Variants in BEND2 observed in about 807,000 individuals in gnomAD.
BEND2 encodes BEN domain containing 2.
BEND2 carries 19 observed loss-of-function variants against 43.8 expected under a neutral mutation model. The ratio of observed to expected loss-of-function variants is 0.43; its 90% CI spans 0.30 to 0.64. The LOEUF (loss-of-function observed/expected upper bound fraction) is 0.64. Among genes scored for constraint, BEND2 ranks in the 30% least tolerant of loss-of-function variants. The pLI is 0.11. For synonymous variants in BEND2, 226 were observed against 210.1 expected (o/e 1.08, Z -0.66); for missense variants, 544 against 574.0 (o/e 0.95, Z 0.53).
At chrX:18,212,980 G>A (rs2147435801) in intron 3 of BEND2, among the ~76,000 whole-genome samples, 1 of 111,644 alleles carries the variant, frequency 9.0e-6, no homozygotes, top group East Asian at 2.8e-4. Context: ...GAACGCAAGG[G>A]CTAACTGCTT....
Position 18,202,320 on chromosome X carries a change from T to C in BEND2, c.908-380A>G, listed in dbSNP as rs957226496. ...ATATGTCCAAACTCATTACATTGGG[T>C]ATAATAAATATGTGCAGTTTTTTAC... On this transcript the variant is annotated intron_variant, in intron 5 of 13. Transcript: ENST00000380033. Among the ~76,000 whole-genome samples the C allele has an allele frequency of 6.2e-5, 7 of 112,313 alleles. No homozygotes were observed. The Admixed American group carries it at 6.6e-4, about 11-fold the overall frequency.
chrX:18,207,575 G>A (rs1300999736), intron 4 of BEND2, among the ~76,000 whole-genome samples: 1 of 111,322 alleles, frequency 9.0e-6, no homozygotes, highest in African/African-American at 3.3e-5. Flanking sequence ...TCAGTTATGG[G>A]CTTTTTTGTG....
chrX:18,216,555 A>T lies in BEND2; in HGVS notation c.204T>A (p.Asn68Lys), dbSNP rs766702650. The stretch of plus-strand genomic sequence containing the variant: ...TTTGGAGTGGACGGTGATGGCCATC[A>T]TTGCCGCCTGGAAAATTTGGTTGTG... ...TATQPNFPGG[N>K]DGHHRPLQMS... The change falls in exon 2 of 14, where the codon AAT becomes AAA. Residue 68 changes from asparagine (N) to lysine (K), a missense_variant. Coordinates refer to ENST00000380033, the MANE Select transcript of BEND2 (RefSeq NM_153346.5). 1 of 1,208,726 alleles carries T rather than the reference A, an allele frequency of 8.3e-7. No individual in the cohort carries two copies. The highest frequency in any genetic ancestry group is 2.2e-5 in the Admixed American group (1 of 45,989).
At chrX:18,177,904 T>C in intron 9 of BEND2, 135 bp from the exon 10 acceptor site, 1 of 611,859 alleles carries the variant, frequency 1.6e-6, no homozygotes, top group Non-Finnish European at 2.5e-6. Context: ...TGATTTCTAA[T>C]TCATGAATTT....
intron 2 of BEND2, among the ~76,000 whole-genome samples, chrX:18,215,578 A>G (rs960211892): frequency 3.6e-5 from 4 of 111,945 alleles, no homozygotes; most frequent in Non-Finnish European, 7.5e-5. Flanking sequence ...AAATGGAAAA[A>G]TTATAGGAAA....
intron 1 of BEND2, among the ~76,000 whole-genome samples, chrX:18,219,097 G>A (rs1322893248): frequency 9.0e-6 from 1 of 111,433 alleles, no homozygotes; most frequent in African/African-American, 3.3e-5. Context: ...ACCTTCCTGC[G>A]GGACTCTCAA....
At chrX:18,186,255 T>C (rs1437000637) in intron 8 of BEND2, among the ~76,000 whole-genome samples, 1 of 110,177 alleles carries the variant, frequency 9.1e-6, no homozygotes. Flanking sequence ...GTCAGGAGTT[T>C]GACACCAGCC....
rs1923780090 is a variant in BEND2 at position 18,164,867 on chromosome X, G to C, written c.*142C>G. ...TGTGATTCTACCTCCTTTATGAGCA[G>C]AAAAAGAGGTTTGGCGATTACTACA... On this transcript the variant is annotated 3_prime_UTR_variant, in exon 14 of 14. Coordinates refer to ENST00000380033, the MANE Select transcript of BEND2 (RefSeq NM_153346.5). 1.8e-6 allele frequency: 1 copy of C among 570,521 alleles called. No homozygotes were observed. Among genetic ancestry groups the C allele is most frequent in the East Asian group, 3.4e-5 (1 of 28,986 alleles). The allele number at this position is 570,521 out of a possible 1,213,427, so 47.0% of individuals were successfully genotyped here.
chrX:18,201,417 A>AC (rs1569124461), intron 6 of BEND2, among the ~76,000 whole-genome samples: 1 of 87,084 alleles, frequency 1.1e-5, no homozygotes, highest in African/African-American at 5.0e-5. Context: ...AAAAAAAAAA[A>AC]CAAAAAAAAA....
chrX:18,191,419 C>T (rs993888347), intron 7 of BEND2, among the ~76,000 whole-genome samples: 2 of 111,370 alleles, frequency 1.8e-5, no homozygotes, highest in Non-Finnish European at 3.8e-5. Flanking sequence ...TGTTGCTGGT[C>T]GGGGTAGAAA....
chrX:18,175,362 G>T (rs1475967206), intron 11 of BEND2, among the ~76,000 whole-genome samples: 1 of 112,045 alleles, frequency 8.9e-6, no homozygotes, highest in East Asian at 2.8e-4. Context: ...TGTTTCATCA[G>T]AAGACAACAG....
chrX:18,196,628 GA>G (rs955688557), intron 6 of BEND2, among the ~76,000 whole-genome samples: 1 of 79,912 alleles, frequency 1.3e-5, no homozygotes, highest in African/African-American at 4.8e-5. Flanking sequence ...AAGATTATCA[GA>G]AAAAAAAGAG....
At chrX:18,213,400 A>G (rs1409694690) in intron 3 of BEND2, among the ~76,000 whole-genome samples, 2 of 111,490 alleles carry the variant, frequency 1.8e-5, no homozygotes, top group Admixed American at 1.9e-4. Context: ...TTAATGAAAG[A>G]GCTACTTCAC....
In BEND2 at chrX:18,177,618, A is replaced by G. The variant is rs1377319600; in HGVS notation, c.1581T>C (p.His527=). ...EILISSSVDI[H]LKDSQSLDPN... ...GGTCGAGGGATTGGCTGTCTTTCAA[A>G]TGGATATCCACTGAGCTGCTAATCA... The change falls in exon 10 of 14, where the codon CAT becomes CAC. Residue 527 remains histidine (H), a synonymous_variant. Coordinates refer to ENST00000380033, the MANE Select transcript of BEND2 (RefSeq NM_153346.5). 8.3e-7 allele frequency: 1 copy of G among 1,209,270 alleles called. No homozygotes were observed. The highest frequency in any genetic ancestry group is 1.8e-5 in the African/African-American group (1 of 57,046).
At chrX:18,217,453 G>C (rs992459626) in intron 1 of BEND2, among the ~76,000 whole-genome samples, 6 of 111,938 alleles carry the variant, frequency 5.4e-5, no homozygotes, top group Non-Finnish European at 9.4e-5. Flanking sequence ...GACTAATGCA[G>C]GAGAATAAAA....
intron 7 of BEND2, among the ~76,000 whole-genome samples, chrX:18,192,729 C>T (rs990049006): frequency 1.7e-4 from 19 of 112,471 alleles, no homozygotes; most frequent in Admixed American, 1.4e-3. Flanking sequence ...AATAAGCCAA[C>T]TGTGAAACAT....
chrX:18,190,529 A>G (rs1228157655), intron 8 of BEND2, among the ~76,000 whole-genome samples: 2 of 111,736 alleles, frequency 1.8e-5, no homozygotes, highest in Non-Finnish European at 3.8e-5. Context: ...CATTCTTACA[A>G]TGACAAAATT....
chrX:18,187,477 T>G (rs1924615722), intron 8 of BEND2, among the ~76,000 whole-genome samples: 1 of 111,725 alleles, frequency 9.0e-6, no homozygotes, highest in African/African-American at 3.3e-5. Context: ...CCAACACTGG[T>G]GTACCCACAT....
Position 18,201,873 on chromosome X carries a change from C to T in BEND2, c.975G>A (p.Met325Ile), listed in dbSNP as rs772253672. ...STETANYPTL[M>I]GNYNGQNTAS... is the part of the protein sequence containing the mutation. The stretch of plus-strand genomic sequence containing the variant: ...CAGTATTTTGGCCATTGTAATTTCC[C>T]ATTAAAGTTGGATAATTCGCTGTCT... Residue 325 changes from methionine (M) to isoleucine (I), a missense_variant, in exon 6 of 14, where the codon ATG becomes ATA. By Grantham distance (10) the Met-to-Ile change is conservative (BLOSUM62 1). Transcript: ENST00000380033. 1 of 1,209,841 alleles carries T rather than the reference C, an allele frequency of 8.3e-7. No individual in the cohort carries two copies. Among genetic ancestry groups the T allele is most frequent in the Non-Finnish European group, 1.1e-6 (1 of 894,594 alleles).
Sources: gnomAD v4.1 joint callset for allele counts (sites outside exome capture counted in the v4.1 genomes callset) on GRCh38, gnomAD v4.1.1 for gene constraint, MANE v1.5 for transcripts, NCBI Gene and HGNC (gene_info 2026-07-23, HGNC 2026-07-21) for gene names.